TYW1: variants seen among roughly 807,000 people sequenced by gnomAD.
TYW1 encodes the protein tRNA-yW synthesizing protein 1 homolog, also known as S-adenosyl-L-methionine-dependent tRNA 4-demethylwyosine synthase TYW1.
Under a neutral mutation model 96.2 loss-of-function variants are expected in TYW1, and 46 were observed. The observed-to-expected ratio is 0.48, with a 90% CI of 0.38 to 0.61. TYW1 has a LOEUF of 0.61. Among genes scored for constraint, TYW1 ranks in the 20% least tolerant of loss-of-function variants. The pLI, the probability that TYW1 is intolerant of heterozygous loss-of-function variation, is 0.00. For synonymous variants in TYW1, 274 were observed against 323.0 expected (o/e 0.85, Z 1.63); for missense variants, 684 against 909.6 (o/e 0.75, Z 3.19).
At chr7:67,140,776 GT>G (rs1470863959) in intron 13 of TYW1, among the ~76,000 whole-genome samples, 1 of 152,132 alleles carries the variant, frequency 6.6e-6, no homozygotes, top group Non-Finnish European at 1.5e-5. Flanking sequence ...ATACATTCAT[GT>G]GAAGAAAAAT....
chr7:67,065,068 C>T (rs1039631107), intron 9 of TYW1, among the ~76,000 whole-genome samples: 2 of 152,194 alleles, frequency 1.3e-5, no homozygotes, highest in Non-Finnish European at 2.9e-5. Flanking sequence ...TTTAGTCCTT[C>T]AGTATTGGAT....
At position 67,078,260 on chromosome 7, in the gene TYW1, T is replaced by C. The variant is rs13243937; in HGVS notation, c.1275-5170T>C. Among the ~76,000 whole-genome samples, 10 of 152,186 alleles carry C rather than the reference T, an allele frequency of 6.6e-5. No homozygotes were observed. The East Asian group carries it at 1.9e-3, about 29-fold the overall frequency. On this transcript the variant is annotated intron_variant, in intron 10 of 15. Transcript: ENST00000359626. ...ACAGGTGCCTGCCACCACTCCTGGC[T>C]AATTTTTTGTATTTTTAGTAGAGAT...
intron 13 of TYW1, among the ~76,000 whole-genome samples, chr7:67,153,835 G>C (rs549602960): frequency 1.8e-3 from 263 of 149,718 alleles, no homozygotes; most frequent in African/African-American, 6.1e-3. Flanking sequence ...TGTTTAATGT[G>C]TTTTACCTCT....
intron 10 of TYW1, among the ~76,000 whole-genome samples, chr7:67,073,496 G>T (rs1796099716): frequency 6.6e-6 from 1 of 152,190 alleles, no homozygotes; most frequent in Admixed American, 6.5e-5. Context: ...ACCAGGCCGG[G>T]TGCAGTGGCT....
At chr7:67,045,856 T>C (rs1795171576) in intron 7 of TYW1, among the ~76,000 whole-genome samples, 1 of 152,192 alleles carries the variant, frequency 6.6e-6, no homozygotes, top group Non-Finnish European at 1.5e-5. Flanking sequence ...TGGACAAGAA[T>C]GGTGGCATTG....
At chr7:67,004,442 T>A (rs1488175893) in intron 3 of TYW1, among the ~76,000 whole-genome samples, 13 of 152,152 alleles carry the variant, frequency 8.5e-5, no homozygotes, top group Admixed American at 7.9e-4. Flanking sequence ...GTTTCCTCTC[T>A]TGCTATGTGA....
Position 67,195,275 on chromosome 7 carries a change from C to T in TYW1, c.1915C>T (p.Pro639Ser). 1 of 1,610,138 alleles carries T rather than the reference C, an allele frequency of 6.2e-7. No homozygotes were observed. Among genetic ancestry groups the T allele is most frequent in the Admixed American group, 1.7e-5 (1 of 59,792 alleles). The change falls in exon 15 of 16, where the codon CCC (proline) becomes TCC (serine). Residue 639 changes from proline (P) to serine (S), a missense_variant. Physicochemically the swap from Pro to Ser is moderately conservative, Grantham distance 74 (BLOSUM62 -1). Coordinates refer to ENST00000359626, the MANE Select transcript of TYW1 (RefSeq NM_018264.4). ...QFVHELVDLI[P>S]EYEIACEHEH... is the part of the protein sequence containing the mutation. ...TGTCCACGAGTTGGTGGATCTGATC[C>T]CCGAATATGAAATTGCATGTGAACA... is the stretch of plus-strand genomic sequence containing the variant.
At chr7:67,126,644 G>A (rs1454369140) in intron 13 of TYW1, among the ~76,000 whole-genome samples, 1 of 152,082 alleles carries the variant, frequency 6.6e-6, no homozygotes, top group African/African-American at 2.4e-5. Context: ...TTTTGGGAGA[G>A]GTATAAGGTG....
At chr7:67,067,778 A>G (rs549681758) in intron 10 of TYW1, among the ~76,000 whole-genome samples, 2 of 151,774 alleles carry the variant, frequency 1.3e-5, no homozygotes, top group African/African-American at 4.8e-5. Context: ...TTTTCTATCT[A>G]TGACTAATTT....
chr7:67,213,860 C>G lies in TYW1; in HGVS notation c.1977+18523C>G, dbSNP rs558904950. 2.6e-5 allele frequency among the ~76,000 whole-genome samples: 4 copies of G among 152,304 alleles called. No homozygotes were observed. In the East Asian group the frequency reaches 7.7e-4, roughly 29 times the overall value. On this transcript the variant is annotated intron_variant, in intron 15 of 15. Transcript: ENST00000359626. ...ATCTATTTCTGGCCTTTCTATTCCA[C>G]TGCATTGATCTATGTGTCTGTTCTT...
intron 13 of TYW1, among the ~76,000 whole-genome samples, chr7:67,131,835 A>G (rs1360468548): frequency 6.6e-6 from 1 of 152,202 alleles, no homozygotes; most frequent in Non-Finnish European, 1.5e-5. Flanking sequence ...CAAGAGTCCA[A>G]AAGCTGAAGA....
At chr7:67,176,662 G>T (rs1002517254) in intron 13 of TYW1, among the ~76,000 whole-genome samples, 1 of 86,444 alleles carries the variant, frequency 1.2e-5, no homozygotes. Flanking sequence ...AATCATAAAG[G>T]GTTGTATATG....
At chr7:67,074,177 C>G (rs1796134532) in intron 10 of TYW1, among the ~76,000 whole-genome samples, 1 of 151,784 alleles carries the variant, frequency 6.6e-6, no homozygotes, top group Non-Finnish European at 1.5e-5. Context: ...GCTTGCAAGA[C>G]AAAAGTATGT....
intron 11 of TYW1, 77 bp from the exon 12 acceptor site, chr7:67,098,464 G>A: frequency 1.4e-6 from 2 of 1,442,326 alleles, no homozygotes; most frequent in South Asian, 3.2e-5. Flanking sequence ...TAAAATCAAA[G>A]CATCATTAAG....
intron 4 of TYW1, among the ~76,000 whole-genome samples, chr7:67,009,908 T>C (rs965390987): frequency 2.6e-5 from 4 of 152,158 alleles, no homozygotes; most frequent in Non-Finnish European, 1.5e-5. Flanking sequence ...TGTTAAATTC[T>C]CCTGGGGCAG....
At chr7:67,189,371 C>T (rs1323685299) in intron 14 of TYW1, among the ~76,000 whole-genome samples, 3 of 150,164 alleles carry the variant, frequency 2.0e-5, no homozygotes, top group Non-Finnish European at 4.4e-5. Flanking sequence ...TGTATGTGTG[C>T]ATGTATGTGT....
At chr7:67,111,480 C>T (rs537660424) in intron 12 of TYW1, among the ~76,000 whole-genome samples, 4 of 152,188 alleles carry the variant, frequency 2.6e-5, no homozygotes, top group Admixed American at 1.3e-4. Context: ...GGATTACAGG[C>T]GTGAGCCAAC....
At chr7:67,056,748 T>C (rs1389652046) in intron 9 of TYW1, among the ~76,000 whole-genome samples, 5 of 152,204 alleles carry the variant, frequency 3.3e-5, no homozygotes, top group Non-Finnish European at 7.3e-5. Flanking sequence ...TGAGCATTCT[T>C]CACAAGACTT....
intron 12 of TYW1, among the ~76,000 whole-genome samples, chr7:67,106,731 C>A (rs1393871120): frequency 6.6e-6 from 1 of 152,168 alleles, no homozygotes; most frequent in Non-Finnish European, 1.5e-5. Flanking sequence ...GTATCATAAT[C>A]ATCTATTTTA....
Sources: allele counts gnomAD v4.1 joint callset (sites outside exome capture counted in the v4.1 genomes callset), GRCh38; gene constraint gnomAD v4.1.1; transcripts MANE v1.5; gene names NCBI Gene and HGNC (gene_info 2026-07-23, HGNC 2026-07-21).